Variants in SLX4IP observed in about 807,000 individuals in gnomAD.
SLX4IP encodes the protein protein SLX4IP.
In SLX4IP, 34 loss-of-function variants were observed where a neutral mutation model predicts 32.9. That is an observed-to-expected ratio of 1.03 (90% CI 0.79 to 1.38). The LOEUF (loss-of-function observed/expected upper bound fraction) is 1.38, where lower values mean the gene tolerates loss of function less well. Among genes scored for constraint, SLX4IP ranks in the 40% most tolerant of loss-of-function variants. The pLI is 0.00. For missense variants in SLX4IP, 444 were observed against 479.0 expected (o/e 0.93, Z 0.68); for synonymous variants, 172 against 171.7 (o/e 1.00, Z -0.01).
chr20:10,473,709 TCTC>T (rs2065447559), intron 2 of SLX4IP, among the ~76,000 whole-genome samples: 1 of 151,988 alleles, frequency 6.6e-6, no homozygotes, highest in Non-Finnish European at 1.5e-5. Flanking sequence ...TTCAAGCAAT[TCTC>T]CTGCCTCAGC....
rs35576843 is a variant in SLX4IP, at chr20:10,515,079, CT to C, written c.28-41130del. On this transcript the variant is annotated intron_variant, in intron 2 of 7. Coordinates refer to ENST00000334534, the MANE Select transcript of SLX4IP (RefSeq NM_001009608.3). ...ATTCACATTTATTTGTAAGTTGAAG[CT>C]TTTTTTTTTTTTTTTTTTTTTGAGA... Among the ~76,000 whole-genome samples the C allele has an allele frequency of 9.8e-3, 810 of 82,878 alleles. 3 individuals are homozygous for C. The highest frequency in any genetic ancestry group is 0.032 in the African/African-American group (700 of 21,716). 54.4% of individuals were successfully genotyped at this position (82,878 alleles called of 152,430 possible).
chr20:10,496,531 T>G (rs1229764832), intron 2 of SLX4IP, among the ~76,000 whole-genome samples: 3 of 152,186 alleles, frequency 2.0e-5, no homozygotes, highest in Non-Finnish European at 4.4e-5. Flanking sequence ...CCCAGGTTTT[T>G]CTATCTTTTG....
chr20:10,540,114 TCC>T (rs2066088605), intron 2 of SLX4IP, among the ~76,000 whole-genome samples: 1 of 147,892 alleles, frequency 6.8e-6, no homozygotes, highest in African/African-American at 2.5e-5. Flanking sequence ...CTTCCTTCCT[TCC>T]TTCCTTCCTT....
chr20:10,604,957 G>A (rs568443595), intron 6 of SLX4IP, among the ~76,000 whole-genome samples: 11 of 152,004 alleles, frequency 7.2e-5, no homozygotes, highest in African/African-American at 1.7e-4. Context: ...TTTCCTCACC[G>A]TTTTTTTCCT....
chr20:10,625,091 A>G lies in SLX4IP; in HGVS notation c.*1712A>G, dbSNP rs1432057566. On this transcript the variant is annotated 3_prime_UTR_variant, in exon 8 of 8. Transcript: ENST00000334534. ...GGGAGCCCAACAGAATACTAACTTC[A>G]GTGGAGCTGACTCTGCTTATACAAT... The G allele has an allele frequency of 6.6e-6, 1 of 152,228 alleles. No individual in the cohort carries two copies. The highest frequency in any genetic ancestry group is 1.5e-5 in the Non-Finnish European group (1 of 68,062). 9.4% of individuals were successfully genotyped at this position (152,228 alleles called of 1,614,324 possible). A position where few individuals can be genotyped will look rare whatever the true frequency, so the allele number is the denominator to read the frequency against.
intron 2 of SLX4IP, among the ~76,000 whole-genome samples, chr20:10,503,039 A>G (rs906221538): frequency 7.2e-5 from 11 of 152,042 alleles, no homozygotes; most frequent in African/African-American, 2.7e-4. Context: ...TTCCTCCTCT[A>G]GTTGTAGTGC....
chr20:10,555,139 G>C (rs2066254089), intron 2 of SLX4IP, among the ~76,000 whole-genome samples: 2 of 151,094 alleles, frequency 1.3e-5, no homozygotes, highest in African/African-American at 2.4e-5. Flanking sequence ...TACATCTGAT[G>C]GTCTAACCAT....
intron 6 of SLX4IP, among the ~76,000 whole-genome samples, chr20:10,609,202 C>T (rs1288708116): frequency 2.0e-5 from 3 of 152,126 alleles, no homozygotes; most frequent in Non-Finnish European, 2.9e-5. Flanking sequence ...CTCTAAAGTA[C>T]GTAGGAATCA....
At position 10,621,315 on chromosome 20, in the gene SLX4IP, C is replaced by G. The variant is rs765101320; in HGVS notation, c.407C>G (p.Thr136Arg). 3 of 1,613,916 alleles carry G rather than the reference C, an allele frequency of 1.9e-6. No individual in the cohort carries two copies. Among genetic ancestry groups the G allele is most frequent in the Non-Finnish European group, 2.5e-6 (3 of 1,179,826 alleles). ...AACCTTTGTTATCTTTTGGAGTAGA[C>G]AGAAAGAGTTCTCCATGGAGTGTCT... ...DLLASQNEDL[T>R]ERVLHGVSDY... The change falls in exon 7 of 8, where the codon ACA (threonine) becomes AGA (arginine). Residue 136 changes from threonine (T) to arginine (R), a missense_variant and splice_region_variant. Coordinates refer to ENST00000334534, the MANE Select transcript of SLX4IP (RefSeq NM_001009608.3).
At chr20:10,519,078 C>G (rs2065882923) in intron 2 of SLX4IP, among the ~76,000 whole-genome samples, 2 of 152,082 alleles carry the variant, frequency 1.3e-5, no homozygotes, top group Non-Finnish European at 2.9e-5. Context: ...ATAAAATACA[C>G]CCATGTAAAT....
chr20:10,510,943 G>A (rs888015803), intron 2 of SLX4IP, among the ~76,000 whole-genome samples: 5 of 152,112 alleles, frequency 3.3e-5, no homozygotes, highest in Non-Finnish European at 7.3e-5. Flanking sequence ...GTGAATGGAC[G>A]CAGCATGAAT....
intron 4 of SLX4IP, among the ~76,000 whole-genome samples, chr20:10,579,090 C>T (rs1443196640): frequency 1.3e-5 from 2 of 152,092 alleles, no homozygotes; most frequent in African/African-American, 2.4e-5. Flanking sequence ...TCCAATTCAT[C>T]TATGTTGTTG....
chr20:10,565,129 A>G (rs1465878091), intron 4 of SLX4IP, among the ~76,000 whole-genome samples: 1 of 151,676 alleles, frequency 6.6e-6, no homozygotes, highest in Non-Finnish European at 1.5e-5. Flanking sequence ...TTTTCCTCTT[A>G]ATTCATCCAC....
chr20:10,605,028 A>G (rs913397339), intron 6 of SLX4IP, among the ~76,000 whole-genome samples: 2 of 152,178 alleles, frequency 1.3e-5, no homozygotes, highest in African/African-American at 4.8e-5. Context: ...CATTCCAACA[A>G]TATTTTCTTA....
chr20:10,458,753 G>GT (rs2065310357), intron 2 of SLX4IP, among the ~76,000 whole-genome samples: 2 of 152,068 alleles, frequency 1.3e-5, no homozygotes, highest in South Asian at 4.1e-4. Flanking sequence ...TTCTTTATCC[G>GT]TTTTTTCACT....
chr20:10,547,131 T>G (rs80356166), intron 2 of SLX4IP, among the ~76,000 whole-genome samples: 2,594 of 152,308 alleles, frequency 0.017, 55 homozygotes, highest in African/African-American at 0.048. Flanking sequence ...CCTACAGCAC[T>G]CTGGGTCAAA....
chr20:10,616,625 C>T (rs1449408613), intron 6 of SLX4IP, among the ~76,000 whole-genome samples: 1 of 152,006 alleles, frequency 6.6e-6, no homozygotes, highest in African/African-American at 2.4e-5. Context: ...CAGGCATACT[C>T]TGTCCTCAGA....
At chr20:10,599,644 G>A (rs562091786) in intron 5 of SLX4IP, among the ~76,000 whole-genome samples, 18 of 151,342 alleles carry the variant, frequency 1.2e-4, no homozygotes, top group African/African-American at 3.9e-4. Flanking sequence ...CTGTACTCCC[G>A]CCTTGGCCTC....
intron 2 of SLX4IP, among the ~76,000 whole-genome samples, chr20:10,465,972 G>GTTAC (rs1434884366): frequency 2.0e-5 from 3 of 152,198 alleles, no homozygotes; most frequent in African/African-American, 7.2e-5. Context: ...ATTCAATGAA[G>GTTAC]TTACCTTGGG....
Sources: allele counts gnomAD v4.1 joint callset (sites outside exome capture counted in the v4.1 genomes callset), GRCh38; gene constraint gnomAD v4.1.1; transcripts MANE v1.5; gene names NCBI Gene and HGNC (gene_info 2026-07-23, HGNC 2026-07-21).